Variants in ABHD17C observed in about 807,000 individuals in gnomAD.
ABHD17C encodes the protein abhydrolase domain containing 17C, depalmitoylase, also known as alpha/beta hydrolase domain-containing protein 17C.
A neutral mutation model predicts 27.9 loss-of-function variants in ABHD17C; 11 were observed. The observed-to-expected ratio is 0.39, with a 90% CI of 0.25 to 0.65. The LOEUF (loss-of-function observed/expected upper bound fraction) is 0.65, where lower values mean the gene tolerates loss of function less well. Among genes scored for constraint, ABHD17C ranks in the 30% least tolerant of loss-of-function variants. The probability of loss-of-function intolerance (pLI) is 0.45; values close to 1 mark genes in which losing one functional copy is unlikely to be tolerated. For missense variants in ABHD17C, 280 were observed against 470.2 expected (o/e 0.60, Z 3.74); for synonymous variants, 233 against 209.1 (o/e 1.11, Z -0.98).
intron 1 of ABHD17C, among the ~76,000 whole-genome samples, chr15:80,700,936 AAC>A (rs35078326): frequency 0.33 from 50,747 of 152,014 alleles, 10,372 homozygotes; most frequent in Non-Finnish European, 0.48. Context: ...CAAACTGTTA[AAC>A]ACACATTTAT....
chr15:80,753,849 G>T (rs1316437251), intron 2 of ABHD17C, among the ~76,000 whole-genome samples: 1 of 152,200 alleles, frequency 6.6e-6, no homozygotes, highest in Non-Finnish European at 1.5e-5. Flanking sequence ...ATATGTTAAT[G>T]TAGGTTCATC....
At chr15:80,748,559 C>T (rs966139233) in intron 1 of ABHD17C, among the ~76,000 whole-genome samples, 1 of 152,034 alleles carries the variant, frequency 6.6e-6, no homozygotes, top group Non-Finnish European at 1.5e-5. Context: ...AGACATTCGT[C>T]TTCATTTCTT....
intron 1 of ABHD17C, among the ~76,000 whole-genome samples, chr15:80,734,584 A>G (rs972481): frequency 0.45 from 68,211 of 152,004 alleles, 16,017 homozygotes; most frequent in African/African-American, 0.59. Flanking sequence ...AAAATGGAAG[A>G]TAAAATTTTT....
At chr15:80,721,037 T>G (rs1436602270) in intron 1 of ABHD17C, among the ~76,000 whole-genome samples, 1 of 152,168 alleles carries the variant, frequency 6.6e-6, no homozygotes, top group Non-Finnish European at 1.5e-5. Flanking sequence ...AAAATTTCTT[T>G]TCCTACATTT....
In ABHD17C at chr15:80,736,284, C is replaced by G. The variant is rs373284425; in HGVS notation, c.591-13229C>G. Reference sequence around the variant, plus strand: ...ACAAACGTGTTTTTGTTTTTTTTGACAGTTCCTCAAAACAAAGTTGTATTT... The same window carrying G: ...ACAAACGTGTTTTTGTTTTTTTTGAGAGTTCCTCAAAACAAAGTTGTATTT... On this transcript the variant is annotated intron_variant, in intron 1 of 2. Transcript: ENST00000258884. Among the ~76,000 whole-genome samples, 10 of 152,188 alleles carry G rather than the reference C, an allele frequency of 6.6e-5. 1 individual carries two copies. The highest frequency in any genetic ancestry group is 6.5e-5 in the Admixed American group (1 of 15,296).
intron 1 of ABHD17C, among the ~76,000 whole-genome samples, chr15:80,728,903 G>A (rs57246620): frequency 3.9e-5 from 6 of 152,244 alleles, no homozygotes; most frequent in East Asian, 1.9e-4. Flanking sequence ...GAGCCACCAC[G>A]CCCGGCCTAA....
intron 1 of ABHD17C, among the ~76,000 whole-genome samples, chr15:80,715,525 T>C (rs552848144): frequency 3.6e-4 from 55 of 152,344 alleles, no homozygotes; most frequent in Admixed American, 7.2e-4. Context: ...GCAAAGTGCT[T>C]ACATGTAAGT....
At chr15:80,729,293 C>T (rs1895025131) in intron 1 of ABHD17C, among the ~76,000 whole-genome samples, 1 of 152,156 alleles carries the variant, frequency 6.6e-6, no homozygotes, top group Non-Finnish European at 1.5e-5. Flanking sequence ...ATACTCAACT[C>T]AAATACTCAT....
At chr15:80,718,116 G>T (rs1432792952) in intron 1 of ABHD17C, among the ~76,000 whole-genome samples, 2 of 152,156 alleles carry the variant, frequency 1.3e-5, no homozygotes, top group African/African-American at 4.8e-5. Context: ...AGGAGCATAG[G>T]ATTGTTTGAG....
chr15:80,703,317 C>T (rs971083467), intron 1 of ABHD17C: 13 of 152,266 alleles, frequency 8.5e-5, no homozygotes, highest in Non-Finnish European at 1.9e-4. Flanking sequence ...ATGGCAATTA[C>T]ATTTCAACAT....
At chr15:80,707,757 G>A (rs963508235) in intron 1 of ABHD17C, among the ~76,000 whole-genome samples, 1 of 152,120 alleles carries the variant, frequency 6.6e-6, no homozygotes, top group Non-Finnish European at 1.5e-5. Flanking sequence ...TTGGTGGGGA[G>A]GGGCAGAGAG....
Position 80,707,587 on chromosome 15 carries a change from A to G in ABHD17C, c.590+11568A>G, listed in dbSNP as rs545383202. Among the ~76,000 whole-genome samples the G allele has an allele frequency of 2.8e-4, 43 of 152,250 alleles. No homozygotes were observed. The East Asian group carries it at 7.7e-3, about 27-fold the overall frequency. On this transcript the variant is annotated intron_variant, in intron 1 of 2. Transcript: ENST00000258884. Reference sequence around the variant, plus strand: ...GCCCCCCCTCAAAAAAAAAAACGCAAAAAATCTCACAATGTTTTAAGAAAG... The same window carrying G: ...GCCCCCCCTCAAAAAAAAAAACGCAGAAAATCTCACAATGTTTTAAGAAAG...
Position 80,715,003 on chromosome 15 carries a change from G to C in ABHD17C, c.590+18984G>C, listed in dbSNP as rs145238470. ...ACACAGCGTTAGCCAGGATGGTCTCGATCTCCTGACCTCGTGATCCGCCCA... is the reference window on the plus strand; with the variant it reads ...ACACAGCGTTAGCCAGGATGGTCTCCATCTCCTGACCTCGTGATCCGCCCA... On this transcript the variant is annotated intron_variant, in intron 1 of 2. Transcript: ENST00000258884. Among the ~76,000 whole-genome samples, 445 of 152,248 alleles carry C rather than the reference G, an allele frequency of 2.9e-3. 2 individuals carry two copies. Among genetic ancestry groups the C allele is most frequent in the African/African-American group, 9.2e-3 (382 of 41,540 alleles).
At position 80,723,939 on chromosome 15, in the gene ABHD17C, G is replaced by A. The variant is rs1053985115; in HGVS notation, c.591-25574G>A. 3.9e-5 allele frequency among the ~76,000 whole-genome samples: 6 copies of A among 152,118 alleles called. No homozygotes were observed. The South Asian group carries it at 8.3e-4, about 21-fold the overall frequency. Reference sequence around the variant, plus strand: ...ATTTTCAGTCCGGGTGCAGTAGCTCGCACCTGTAATTCCAGCACTTTGGGA... The same window carrying A: ...ATTTTCAGTCCGGGTGCAGTAGCTCACACCTGTAATTCCAGCACTTTGGGA... On this transcript the variant is annotated intron_variant, in intron 1 of 2. Transcript: ENST00000258884.
chr15:80,735,345 A>G (rs111616389), intron 1 of ABHD17C, among the ~76,000 whole-genome samples: 294 of 152,092 alleles, frequency 1.9e-3, no homozygotes, highest in African/African-American at 6.7e-3. Flanking sequence ...ATTTGTGCCA[A>G]TTTTCTCAAC....
At chr15:80,707,799 A>G (rs1894668946) in intron 1 of ABHD17C, among the ~76,000 whole-genome samples, 1 of 152,162 alleles carries the variant, frequency 6.6e-6, no homozygotes, top group Admixed American at 6.5e-5. Context: ...TCGGCGTGTC[A>G]AAGTACTGTA....
chr15:80,708,410 G>C (rs561344347), intron 1 of ABHD17C, among the ~76,000 whole-genome samples: 43 of 152,282 alleles, frequency 2.8e-4, no homozygotes, highest in African/African-American at 8.9e-4. Context: ...CTGCCTCCTA[G>C]GTTCAAGTGA....
intron 1 of ABHD17C, among the ~76,000 whole-genome samples, chr15:80,745,274 C>T (rs1056622174): frequency 6.6e-6 from 1 of 152,182 alleles, no homozygotes; most frequent in Admixed American, 6.5e-5. Context: ...TCTTTATAGG[C>T]TTACCACCCA....
Position 80,706,260 on chromosome 15 carries a change from A to T in ABHD17C, c.590+10241A>T, listed in dbSNP as rs1894647029. ...TTGATAACTCCCACGTTATTGATTCACTTTAGAGTGTTAAAGGACCATGGC... is the reference window on the plus strand; with the variant it reads ...TTGATAACTCCCACGTTATTGATTCTCTTTAGAGTGTTAAAGGACCATGGC... On this transcript the variant is annotated intron_variant, in intron 1 of 2. Coordinates refer to ENST00000258884, the MANE Select transcript of ABHD17C (RefSeq NM_021214.2). 2.0e-5 allele frequency among the ~76,000 whole-genome samples: 3 copies of T among 152,210 alleles called. No individual in the cohort carries two copies. The South Asian group carries it at 6.2e-4, about 32-fold the overall frequency.
Sources: gnomAD v4.1 joint callset for allele counts (sites outside exome capture counted in the v4.1 genomes callset) on GRCh38, gnomAD v4.1.1 for gene constraint, MANE v1.5 for transcripts, NCBI Gene and HGNC (gene_info 2026-07-23, HGNC 2026-07-21) for gene names.